The following CTXN3 variants were observed in gnomAD, a reference collection of about 807,000 sequenced individuals.
CTXN3 encodes the protein cortexin 3.
A neutral mutation model predicts 5.0 loss-of-function variants in CTXN3; 4 were observed. The observed-to-expected ratio is 0.79, with a 90% CI of 0.39 to 1.82. The LOEUF is 1.82. Among genes scored for constraint, CTXN3 ranks in the 40% most tolerant of loss-of-function variants. CTXN3 has a pLI of 0.04. For missense variants in CTXN3, 89 were observed against 99.7 expected, an observed-to-expected ratio of 0.89 and a Z score of 0.46; for synonymous variants, 48 against 38.6, an observed-to-expected ratio of 1.24 and a Z score of -0.91.
Position 127,658,185 on chromosome 5 carries a change from T to C in CTXN3, c.*418T>C, listed in dbSNP as rs1749960001. ...TCTAATTATGTCTATATTTGTTTTATTTCATGGGCACCTATCTGGGTCCTG... is the reference window on the plus strand; with the variant it reads ...TCTAATTATGTCTATATTTGTTTTACTTCATGGGCACCTATCTGGGTCCTG... On this transcript the variant is annotated 3_prime_UTR_variant, in exon 3 of 3. Coordinates refer to ENST00000379445, the MANE Select transcript of CTXN3 (RefSeq NM_001048252.3). 2.6e-5 allele frequency: 5 copies of C among 193,466 alleles called. No individual in the cohort carries two copies. The South Asian group carries it at 6.2e-4, about 24-fold the overall frequency. The allele number at this position is 193,466 out of a possible 1,614,324, so 12.0% of individuals were successfully genotyped here. A position where few individuals can be genotyped will look rare whatever the true frequency, so the allele number is the denominator to read the frequency against.
At chr5:127,651,231 T>A (rs1249451490) in intron 1 of CTXN3, among the ~76,000 whole-genome samples, 1 of 152,214 alleles carries the variant, frequency 6.6e-6, no homozygotes, top group Non-Finnish European at 1.5e-5. Context: ...CCCAAGAGTG[T>A]CCTTGCTCAA....
intron 1 of CTXN3, among the ~76,000 whole-genome samples, chr5:127,650,823 A>T (rs1395507970): frequency 1.3e-5 from 2 of 152,144 alleles, no homozygotes; most frequent in Non-Finnish European, 2.9e-5. Context: ...TGGGAGATTT[A>T]CACATCTAGG....
intron 1 of CTXN3, among the ~76,000 whole-genome samples, chr5:127,651,027 T>A (rs890709255): frequency 6.6e-6 from 1 of 152,224 alleles, no homozygotes; most frequent in Non-Finnish European, 1.5e-5. Flanking sequence ...TGTTGCAGAA[T>A]AATGCAGCAT....
At chr5:127,656,756 C>T (rs756545698) in intron 2 of CTXN3, among the ~76,000 whole-genome samples, 2 of 152,160 alleles carry the variant, frequency 1.3e-5, no homozygotes, top group Non-Finnish European at 2.9e-5. Context: ...AGGGTTTTCA[C>T]AGCTCTTCAT....
Position 127,657,771 on chromosome 5 carries a change from G to A in CTXN3, c.*4G>A, listed in dbSNP as rs1447709207. ...GTTCGACCATGCCCTTGCTTAGGAG[G>A]GATGGTGTGGGATCTCCTCCTGAGG... On this transcript the variant is annotated 3_prime_UTR_variant, in exon 3 of 3. Coordinates refer to ENST00000379445, the MANE Select transcript of CTXN3 (RefSeq NM_001048252.3). 1 of 1,613,832 alleles carries A rather than the reference G, an allele frequency of 6.2e-7. No homozygotes were observed. The highest frequency in any genetic ancestry group is 1.3e-5 in the African/African-American group (1 of 74,888).
In CTXN3 at chr5:127,658,230, T is replaced by C. The variant is rs248707; in HGVS notation, c.*463T>C. On this transcript the variant is annotated 3_prime_UTR_variant, in exon 3 of 3. Coordinates refer to ENST00000379445, the MANE Select transcript of CTXN3 (RefSeq NM_001048252.3). ...GTCCTGAGCAGAATGAGGAAGATTGTGCTGAATGGACCCAAAGTAGTTTCT... is the reference window on the plus strand; with the variant it reads ...GTCCTGAGCAGAATGAGGAAGATTGCGCTGAATGGACCCAAAGTAGTTTCT... The C allele has an allele frequency of 0.32, 55,345 of 174,066 alleles. 9,800 individuals carry two copies. Among genetic ancestry groups the C allele is most frequent in the Middle Eastern group, 0.42 (130 of 306 alleles). 10.8% of individuals were successfully genotyped at this position (174,066 alleles called of 1,614,324 possible).
intron 1 of CTXN3, chr5:127,651,786 G>A (rs1358491422): frequency 2.0e-5 from 3 of 150,838 alleles, no homozygotes; most frequent in Admixed American, 6.6e-5. Flanking sequence ...CACAGAACAA[G>A]GTGTCCAATG....
chr5:127,651,102 C>G (rs2126740005), intron 1 of CTXN3, among the ~76,000 whole-genome samples: 1 of 152,216 alleles, frequency 6.6e-6, no homozygotes, highest in East Asian at 1.9e-4. Context: ...CAATTCCGTT[C>G]CTGTTAAAGT....
At chr5:127,653,537 G>A (rs771648644) in intron 2 of CTXN3, 114 bp downstream of exon 2, 3 of 152,126 alleles carry the variant, frequency 2.0e-5, no homozygotes, top group East Asian at 3.9e-4. Context: ...AGATTTCCCT[G>A]GTCATCTAAA....
intron 1 of CTXN3, among the ~76,000 whole-genome samples, chr5:127,650,890 A>G (rs1472561018): frequency 6.6e-6 from 1 of 152,210 alleles, no homozygotes; most frequent in Non-Finnish European, 1.5e-5. Context: ...TTATACAAAC[A>G]GGAATGCAGC....
rs1263219360 is a variant in CTXN3, at chr5:127,657,775, G to A, written c.*8G>A. 2.5e-6 allele frequency: 4 copies of A among 1,613,770 alleles called. No homozygotes were observed. The highest frequency in any genetic ancestry group is 3.4e-6 in the Non-Finnish European group (4 of 1,179,924). ...GACCATGCCCTTGCTTAGGAGGGAT[G>A]GTGTGGGATCTCCTCCTGAGGAGAT... On this transcript the variant is annotated 3_prime_UTR_variant, in exon 3 of 3. Transcript: ENST00000379445.
chr5:127,652,502 A>G (rs1749806041), intron 1 of CTXN3: 1 of 152,182 alleles, frequency 6.6e-6, no homozygotes, highest in African/African-American at 2.4e-5. Context: ...CAGTGCTGCC[A>G]CCGAGTACAG....
chr5:127,657,774 TG>T lies in CTXN3; in HGVS notation c.*9del. 4 of 1,613,954 alleles carry T rather than the reference TG, an allele frequency of 2.5e-6. No individual in the cohort carries two copies. The highest frequency in any genetic ancestry group is 3.4e-6 in the Non-Finnish European group (4 of 1,179,912). The stretch of plus-strand genomic sequence containing the variant: ...CGACCATGCCCTTGCTTAGGAGGGA[TG>T]GTGTGGGATCTCCTCCTGAGGAGAT... On this transcript the variant is annotated 3_prime_UTR_variant, in exon 3 of 3. Coordinates refer to ENST00000379445, the MANE Select transcript of CTXN3 (RefSeq NM_001048252.3).
intron 2 of CTXN3, chr5:127,653,837 C>T (rs1749845502): frequency 6.6e-6 from 1 of 152,160 alleles, no homozygotes; most frequent in African/African-American, 2.4e-5. Context: ...TTCAATCAGT[C>T]CTGGGCAAAA....
intron 1 of CTXN3, chr5:127,652,926 A>G (rs1229812886): frequency 1.3e-5 from 2 of 152,288 alleles, no homozygotes; most frequent in East Asian, 1.9e-4. Context: ...TAAAAATTCC[A>G]TTGTCAGCAT....
At chr5:127,653,654 G>A (rs1351153664) in intron 2 of CTXN3, 3 of 152,138 alleles carry the variant, frequency 2.0e-5, no homozygotes, top group Non-Finnish European at 4.4e-5. Context: ...AAATTTACAT[G>A]TCTTGAGATA....
chr5:127,652,825 A>G (rs896444744), intron 1 of CTXN3, among the ~76,000 whole-genome samples: 1 of 152,240 alleles, frequency 6.6e-6, no homozygotes, highest in Non-Finnish European at 1.5e-5. Flanking sequence ...ACGGAAGTTT[A>G]TTCTGATCAA....
At chr5:127,650,552 A>T (rs1393901968) in intron 1 of CTXN3, among the ~76,000 whole-genome samples, 1 of 152,224 alleles carries the variant, frequency 6.6e-6, no homozygotes, top group Admixed American at 6.5e-5. Context: ...TGAAACACCT[A>T]GAAAGAGCCA....
At chr5:127,656,629 G>A (rs183870681) in intron 2 of CTXN3, among the ~76,000 whole-genome samples, 37 of 152,274 alleles carry the variant, frequency 2.4e-4, no homozygotes, top group African/African-American at 8.7e-4. Context: ...AGATACCTCC[G>A]TTCTCCCTTG....
Sources: allele counts gnomAD v4.1 joint callset (sites outside exome capture counted in the v4.1 genomes callset), GRCh38; gene constraint gnomAD v4.1.1; transcripts MANE v1.5; gene names NCBI Gene and HGNC (gene_info 2026-07-23, HGNC 2026-07-21).